The following PCDH7 variants were observed in gnomAD, a reference collection of about 807,000 sequenced individuals.
PCDH7 encodes the protein protocadherin-7.
PCDH7 carries 17 observed loss-of-function variants against 58.9 expected under a neutral mutation model. That is an observed-to-expected ratio of 0.29 (90% CI 0.20 to 0.43). The LOEUF (loss-of-function observed/expected upper bound fraction) is 0.43, where lower values mean the gene tolerates loss of function less well. PCDH7 is among the 20% of genes least tolerant of loss of function. PCDH7 has a pLI of 1.00. For missense variants in PCDH7, 1,274 were observed against 1,441.0 expected, an observed-to-expected ratio of 0.88 and a Z score of 1.88; for synonymous variants, 664 against 616.4, an observed-to-expected ratio of 1.08 and a Z score of -1.14.
chr4:30,808,973 A>C (rs1175188627), intron 1 of PCDH7, among the ~76,000 whole-genome samples: 2 of 152,220 alleles, frequency 1.3e-5, no homozygotes, highest in Non-Finnish European at 2.9e-5. Context: ...TTCTATTAAC[A>C]GTTTCTATGC....
At chr4:30,788,842 A>G (rs1723753914) in intron 1 of PCDH7, among the ~76,000 whole-genome samples, 1 of 152,136 alleles carries the variant, frequency 6.6e-6, no homozygotes, top group African/African-American at 2.4e-5. Flanking sequence ...GGGTATTCAG[A>G]CTTTTCAACT....
chr4:31,101,599 T>C (rs1056717268), intron 3 of PCDH7, among the ~76,000 whole-genome samples: 1 of 152,222 alleles, frequency 6.6e-6, no homozygotes, highest in Non-Finnish European at 1.5e-5. Context: ...TACTACTCTC[T>C]GTTGTCACTT....
At chr4:30,830,875 A>T (rs7685813) in intron 1 of PCDH7, among the ~76,000 whole-genome samples, 6 of 151,924 alleles carry the variant, frequency 3.9e-5, no homozygotes, top group Admixed American at 1.3e-4. Flanking sequence ...TCATTTCCTC[A>T]TAATGCTGCC....
intron 3 of PCDH7, among the ~76,000 whole-genome samples, chr4:31,046,008 A>G (rs1378933799): frequency 6.6e-6 from 1 of 151,962 alleles, no homozygotes; most frequent in Non-Finnish European, 1.5e-5. Context: ...ATTTTAATCT[A>G]TTTTTATGTG....
At position 30,754,190 on chromosome 4, in the gene PCDH7, T is replaced by TGTGTGTG. The variant is rs1255362154; in HGVS notation, c.70+29594_70+29595insGTGTGTG. On this transcript the variant is annotated intron_variant, in intron 1 of 3. Coordinates refer to the PCDH7 transcript ENST00000509759. ...TGTGTGTGTGTGTGTGTGTGTGTGT[T>TGTGTGTG]TTTTCTGGAGGGAGGAGGAAGTAGT... is the stretch of plus-strand genomic sequence containing the variant. Among the ~76,000 whole-genome samples the TGTGTGTG allele has an allele frequency of 3.5e-4, 44 of 126,878 alleles. 1 individual carries two copies. Among genetic ancestry groups the TGTGTGTG allele is most frequent in the African/African-American group, 1.3e-3 (43 of 33,414 alleles). The allele number at this position is 126,878 out of a possible 152,430, so 83.2% of individuals were successfully genotyped here.
At chr4:30,817,132 T>C (rs892857262) in intron 1 of PCDH7, among the ~76,000 whole-genome samples, 4 of 152,170 alleles carry the variant, frequency 2.6e-5, no homozygotes, top group Non-Finnish European at 5.9e-5. Flanking sequence ...AGTTGTGATA[T>C]AGGAGAAGAA....
intron 1 of PCDH7, among the ~76,000 whole-genome samples, chr4:30,912,087 T>C: frequency 6.6e-6 from 1 of 152,150 alleles, no homozygotes; most frequent in East Asian, 1.9e-4. Context: ...AATTAATGAA[T>C]CCAAATGTCT....
chr4:30,811,977 C>T (rs920751981), intron 1 of PCDH7, among the ~76,000 whole-genome samples: 2 of 152,162 alleles, frequency 1.3e-5, no homozygotes, highest in African/African-American at 2.4e-5. Context: ...TTAATTCAGA[C>T]ATGCACAAGA....
At position 30,972,843 on chromosome 4, in the gene PCDH7, A is replaced by G. The variant is rs537861983; in HGVS notation, c.*7+22628A>G. ...CAGACTCACTGGACAGCATAAACTC[A>G]CATACATTTGCAAATAAACTATTTT... is the stretch of plus-strand genomic sequence containing the variant. On this transcript the variant is annotated intron_variant, in intron 3 of 3. Transcript: ENST00000509759. 3.3e-5 allele frequency among the ~76,000 whole-genome samples: 5 copies of G among 152,228 alleles called. No homozygotes were observed. In the East Asian group the frequency reaches 7.7e-4, roughly 24 times the overall value.
downstream of PCDH7, among the ~76,000 whole-genome samples, chr4:30,734,333 A>C (rs1715942064): frequency 6.6e-6 from 1 of 151,492 alleles, no homozygotes; most frequent in African/African-American, 2.4e-5. Context: ...CCCACGTTCA[A>C]GCGATTCTTC....
chr4:30,940,010 A>G (rs1298794422), intron 2 of PCDH7, among the ~76,000 whole-genome samples: 1 of 151,968 alleles, frequency 6.6e-6, no homozygotes, highest in Non-Finnish European at 1.5e-5. Flanking sequence ...TAGAGGAAAA[A>G]CAGGTCAAAG....
chr4:30,800,071 A>G (rs936287761), intron 1 of PCDH7, among the ~76,000 whole-genome samples: 2 of 151,536 alleles, frequency 1.3e-5, no homozygotes, highest in African/African-American at 4.9e-5. Context: ...TGTTGGGCAG[A>G]CCGGTCTCGA....
chr4:30,821,954 T>C (rs1728428158), intron 1 of PCDH7, among the ~76,000 whole-genome samples: 1 of 152,284 alleles, frequency 6.6e-6, no homozygotes, highest in South Asian at 2.1e-4. Flanking sequence ...TGTTCCTCGA[T>C]GCTCAGTTTT....
At chr4:31,097,691 T>C (rs1714332747) in intron 3 of PCDH7, among the ~76,000 whole-genome samples, 1 of 144,624 alleles carries the variant, frequency 6.9e-6, no homozygotes, top group South Asian at 2.2e-4. Context: ...ATCAATTTTA[T>C]GTTGTTGTTG....
At chr4:31,088,351 C>T (rs556927235) in intron 3 of PCDH7, among the ~76,000 whole-genome samples, 5 of 152,102 alleles carry the variant, frequency 3.3e-5, no homozygotes, top group East Asian at 1.9e-4. Flanking sequence ...ATACTTCTAT[C>T]AACAGATTAC....
chr4:31,034,717 C>A (rs6830043), intron 3 of PCDH7, among the ~76,000 whole-genome samples: 8,258 of 152,154 alleles, frequency 0.054, 301 homozygotes, highest in Middle Eastern at 0.092. Flanking sequence ...ATAATCTCGC[C>A]GTCTGTTTCA....
chr4:30,969,674 C>T (rs1560542645), intron 3 of PCDH7, among the ~76,000 whole-genome samples: 1 of 151,882 alleles, frequency 6.6e-6, no homozygotes, highest in East Asian at 1.9e-4. Flanking sequence ...GAGAGAGAGA[C>T]AGAGAGAGAA....
intron 3 of PCDH7, among the ~76,000 whole-genome samples, chr4:30,964,676 A>G (rs1404093599): frequency 6.7e-6 from 1 of 150,164 alleles, no homozygotes; most frequent in Non-Finnish European, 1.5e-5. Flanking sequence ...ACAGTTTCAG[A>G]GCTTTGGACA....
chr4:30,840,052 G>A (rs2109337549), intron 1 of PCDH7, among the ~76,000 whole-genome samples: 1 of 151,750 alleles, frequency 6.6e-6, no homozygotes, highest in East Asian at 1.9e-4. Flanking sequence ...GTGTGTGTGT[G>A]TGGTTTTGTA....
Sources: gnomAD v4.1 joint callset for allele counts (sites outside exome capture counted in the v4.1 genomes callset) on GRCh38, gnomAD v4.1.1 for gene constraint, MANE v1.5 for transcripts, NCBI Gene and HGNC (gene_info 2026-07-23, HGNC 2026-07-21) for gene names.